WIPF1: variants seen among roughly 807,000 people sequenced by gnomAD.
WIPF1 encodes the protein WAS/WASL-interacting protein family member 1.
A neutral mutation model predicts 35.4 loss-of-function variants in WIPF1; 13 were observed. The observed-to-expected ratio is 0.37, with a 90% CI of 0.24 to 0.58. WIPF1 has a LOEUF of 0.58. Among genes scored for constraint, WIPF1 ranks in the 20% least tolerant of loss-of-function variants. The probability of loss-of-function intolerance (pLI) is 0.74; values close to 1 mark genes in which losing one functional copy is unlikely to be tolerated. For missense variants in WIPF1, 591 were observed against 667.0 expected, an observed-to-expected ratio of 0.89 and a Z score of 1.25; for synonymous variants, 267 against 266.3, an observed-to-expected ratio of 1.00 and a Z score of -0.02.
chr2:174,579,208 G>T (rs1446789477), intron 3 of WIPF1, among the ~76,000 whole-genome samples: 2 of 152,036 alleles, frequency 1.3e-5, no homozygotes, highest in African/African-American at 4.8e-5. Context: ...ATAGAGATGG[G>T]GTTTCTCCAT....
intron 1 of WIPF1, among the ~76,000 whole-genome samples, chr2:174,648,381 A>G (rs1687462250): frequency 6.6e-6 from 1 of 152,200 alleles, no homozygotes; most frequent in Non-Finnish European, 1.5e-5. Context: ...TTAGCTTCCA[A>G]TGACACATCT....
chr2:174,647,593 T>G (rs757773531), intron 1 of WIPF1, among the ~76,000 whole-genome samples: 1 of 151,444 alleles, frequency 6.6e-6, no homozygotes, highest in Admixed American at 6.6e-5. Flanking sequence ...AGGCTAGTCT[T>G]GAACTCCTGA....
At position 174,571,783 on chromosome 2, in the gene WIPF1, A is replaced by C. The variant is rs1265146027; in HGVS notation, c.1022T>G (p.Leu341Arg). The change falls in exon 5 of 8, where the codon CTC becomes CGC. Residue 341 changes from leucine (L) to arginine (R), a missense_variant. This residue lies in a region of WIPF1 where 471 missense variants were observed against 501.1 expected (regional missense o/e 0.94). Transcript: ENST00000679041. The surrounding 1 kb of genome is among the most constrained non-coding windows in gnomAD (Gnocchi z 4.6). Reference protein sequence around the residue: ...TPRLPQRNLSLSSSTPPLPSP... With the variant: ...TPRLPQRNLSRSSSTPPLPSP... ...AGGTAACGGGGGCGTGGACGAACTG[A>C]GGGACAGATTCCGCTGTGGGAGTCT... The C allele has an allele frequency of 6.2e-7, 1 of 1,614,098 alleles. No homozygotes were observed. Among genetic ancestry groups the C allele is most frequent in the Admixed American group, 1.7e-5 (1 of 60,022 alleles).
At chr2:174,617,454 C>T (rs933640430) in intron 1 of WIPF1, among the ~76,000 whole-genome samples, 69 of 152,254 alleles carry the variant, frequency 4.5e-4, no homozygotes, top group Admixed American at 2.7e-3. Context: ...GAGCACAGAC[C>T]CCTCGTACAT....
At position 174,572,327 on chromosome 2, in the gene WIPF1, C is replaced by A. The variant is rs1684897045; in HGVS notation, c.478G>T (p.Gly160Cys). Reference sequence around the variant, plus strand: ...CGGTTCCTCTGAGGCTCTGGGGGACCACTTCTGTGGCCTGGAGAAGGCACA... The same window carrying A: ...CGGTTCCTCTGAGGCTCTGGGGGACAACTTCTGTGGCCTGGAGAAGGCACA... ...FPVPSPGHRS[G>C]PPEPQRNRMP... is the part of the protein sequence containing the mutation. The change falls in exon 5 of 8, where the codon GGT becomes TGT. Residue 160 changes from glycine (G) to cysteine (C), a missense_variant. Physicochemically the swap from Gly to Cys is radical, Grantham distance 159. This residue lies in a region of WIPF1 where 471 missense variants were observed against 501.1 expected (regional missense o/e 0.94). Transcript: ENST00000679041. 6.2e-7 allele frequency: 1 copy of A among 1,613,930 alleles called. No individual in the cohort carries two copies.
intron 1 of WIPF1, among the ~76,000 whole-genome samples, chr2:174,593,258 C>T (rs956540427): frequency 6.6e-6 from 1 of 152,092 alleles, no homozygotes; most frequent in African/African-American, 2.4e-5. Context: ...GTCACACATA[C>T]ACATATACAC....
chr2:174,588,026 C>A (rs1004526710), intron 1 of WIPF1, among the ~76,000 whole-genome samples: 1 of 152,170 alleles, frequency 6.6e-6, no homozygotes, highest in Admixed American at 6.5e-5. Flanking sequence ...GGACTGGGTG[C>A]CTGTGTTAGG....
At chr2:174,577,904 A>C (rs1455259515) in intron 3 of WIPF1, among the ~76,000 whole-genome samples, 1 of 141,580 alleles carries the variant, frequency 7.1e-6, no homozygotes, top group Non-Finnish European at 1.5e-5. Context: ...GTGACAAGAC[A>C]AGACCCTGTC....
intron 4 of WIPF1, among the ~76,000 whole-genome samples, chr2:174,573,882 TTTC>T (rs1440789819): frequency 5.9e-5 from 9 of 151,576 alleles, no homozygotes; most frequent in East Asian, 1.9e-4. Context: ...AAGAGAGAAC[TTTC>T]TTCTTCTTTT....
At chr2:174,619,944 G>GAA (rs796610534) in intron 1 of WIPF1, among the ~76,000 whole-genome samples, 2 of 114,898 alleles carry the variant, frequency 1.7e-5, no homozygotes, top group Non-Finnish European at 1.9e-5. Flanking sequence ...TCTGTCTCAA[G>GAA]AAAAAAAAAA....
At chr2:174,612,469 T>C (rs1686377850) in intron 1 of WIPF1, among the ~76,000 whole-genome samples, 2 of 152,210 alleles carry the variant, frequency 1.3e-5, no homozygotes, top group Non-Finnish European at 2.9e-5. Flanking sequence ...AATTTCATTA[T>C]TACAAATCCT....
At chr2:174,641,826 T>C (rs1257905025) in intron 1 of WIPF1, among the ~76,000 whole-genome samples, 3 of 152,226 alleles carry the variant, frequency 2.0e-5, no homozygotes, top group Non-Finnish European at 4.4e-5. Flanking sequence ...GAGTGCTTTA[T>C]ATACATATTT....
chr2:174,581,752 A>G (rs1249410921), intron 2 of WIPF1, among the ~76,000 whole-genome samples: 1 of 152,214 alleles, frequency 6.6e-6, no homozygotes, highest in Non-Finnish European at 1.5e-5. Flanking sequence ...AGACACGAGA[A>G]AAGAATTTTA....
At chr2:174,616,692 G>C (rs969232012) in intron 1 of WIPF1, among the ~76,000 whole-genome samples, 5 of 152,132 alleles carry the variant, frequency 3.3e-5, no homozygotes, top group African/African-American at 1.2e-4. Context: ...ATGTTTTACT[G>C]GGTTTTGAAA....
chr2:174,656,797 C>T (rs1472461958), intron 1 of WIPF1, among the ~76,000 whole-genome samples: 1 of 152,204 alleles, frequency 6.6e-6, no homozygotes, highest in Non-Finnish European at 1.5e-5. Flanking sequence ...ACTATGGAGA[C>T]TCCTGGCTTA....
chr2:174,618,621 T>C (rs1238959067), intron 1 of WIPF1, among the ~76,000 whole-genome samples: 2 of 152,218 alleles, frequency 1.3e-5, no homozygotes, highest in Non-Finnish European at 2.9e-5. Flanking sequence ...ATAAGTATTA[T>C]CAACTCATTC....
Position 174,585,597 on chromosome 2 carries a change from G to A in WIPF1, c.-24C>T, listed in dbSNP as rs370895575. ...ATCTTGGGCAGTTATGCGTTCAACA[G>A]TCTTGCTGATAAATCTGGAAAAACA... On this transcript the variant is annotated 5_prime_UTR_variant, in exon 2 of 8. Coordinates refer to ENST00000679041, the MANE Select transcript of WIPF1 (RefSeq NM_001375834.1). The A allele has an allele frequency of 6.2e-7, 1 of 1,610,904 alleles. No homozygotes were observed. The highest frequency in any genetic ancestry group is 8.5e-7 in the Non-Finnish European group (1 of 1,177,974).
chr2:174,579,237 C>T (rs944976752), intron 3 of WIPF1, among the ~76,000 whole-genome samples: 1 of 152,076 alleles, frequency 6.6e-6, no homozygotes, highest in Non-Finnish European at 1.5e-5. Context: ...TGATCCCAGC[C>T]TCAGGTGATC....
chr2:174,573,476 G>A (rs1359389625), intron 4 of WIPF1, among the ~76,000 whole-genome samples: 2 of 152,188 alleles, frequency 1.3e-5, no homozygotes, highest in Non-Finnish European at 2.9e-5. Flanking sequence ...ATAATTATAT[G>A]TACTAAAAAG....
Sources: gnomAD v4.1 joint callset for allele counts (sites outside exome capture counted in the v4.1 genomes callset) on GRCh38, gnomAD v4.1.1 for gene constraint, gnomAD v4.1.1 regional missense constraint, Gnocchi (gnomAD v3.1) non-coding constraint, MANE v1.5 for transcripts, NCBI Gene and HGNC (gene_info 2026-07-23, HGNC 2026-07-21) for gene names.